ZSCAN5A: variants seen among roughly 807,000 people sequenced by gnomAD.
ZSCAN5A encodes zinc finger and SCAN domain-containing protein 5A.
Under a neutral mutation model 23.7 loss-of-function variants are expected in ZSCAN5A, and 12 were observed. The ratio of observed to expected loss-of-function variants is 0.51; its 90% CI spans 0.32 to 0.82. The LOEUF is 0.82. Among genes scored for constraint, ZSCAN5A ranks in the 40% least tolerant of loss-of-function variants. ZSCAN5A has a pLI of 0.03. For synonymous variants in ZSCAN5A, 257 were observed against 239.9 expected, an observed-to-expected ratio of 1.07 and a Z score of -0.66; for missense variants, 597 against 617.9, an observed-to-expected ratio of 0.97 and a Z score of 0.36.
intron 1 of ZSCAN5A, among the ~76,000 whole-genome samples, chr19:56,364,503 G>A (rs1048260905): frequency 6.6e-5 from 10 of 152,132 alleles, no homozygotes; most frequent in Non-Finnish European, 1.3e-4. Flanking sequence ...TCATACATTG[G>A]TAGTGAACAT....
chr19:56,361,622 G>T (rs2041733718), intron 2 of ZSCAN5A, among the ~76,000 whole-genome samples: 1 of 152,108 alleles, frequency 6.6e-6, no homozygotes, highest in Non-Finnish European at 1.5e-5. Flanking sequence ...ATCAAACACT[G>T]CATGTTCTCA....
intron 2 of ZSCAN5A, among the ~76,000 whole-genome samples, chr19:56,237,980 C>CACACACGGACACAT (rs1217482359): frequency 2.3e-5 from 2 of 87,948 alleles, no homozygotes; most frequent in Admixed American, 1.3e-4. Context: ...CACGGACACA[C>CACACACGGACACAT]ACACATACAC....
At chr19:56,276,386 G>A (rs778285766) in intron 2 of ZSCAN5A, among the ~76,000 whole-genome samples, 4 of 151,988 alleles carry the variant, frequency 2.6e-5, no homozygotes, top group Non-Finnish European at 4.4e-5. Context: ...GAGAGACTTC[G>A]GGCAGATCTC....
chr19:56,302,882 A>T (rs988898472), intron 2 of ZSCAN5A: 9 of 398,288 alleles, frequency 2.3e-5, no homozygotes, highest in Admixed American at 4.4e-5. Context: ...GTTGCTGGGG[A>T]CTCTGATGGT....
At chr19:56,302,874 T>C (rs2147283426) in intron 2 of ZSCAN5A, 1 of 398,714 alleles carries the variant, frequency 2.5e-6, no homozygotes, top group East Asian at 3.6e-5. Flanking sequence ...TGTTGCTGGT[T>C]GCTGGGGACT....
chr19:56,276,125 C>A (rs2038230706), intron 2 of ZSCAN5A, among the ~76,000 whole-genome samples: 1 of 152,184 alleles, frequency 6.6e-6, no homozygotes, highest in Non-Finnish European at 1.5e-5. Context: ...AACCGTGGAA[C>A]CCCCAAGTCT....
intron 2 of ZSCAN5A, chr19:56,321,965 T>G: frequency 1.3e-6 from 1 of 780,560 alleles, no homozygotes; most frequent in Non-Finnish European, 2.4e-6. Flanking sequence ...CACACCACCA[T>G]GGATCAAATT....
intron 2 of ZSCAN5A, among the ~76,000 whole-genome samples, chr19:56,241,684 T>G (rs1191123294): frequency 6.6e-6 from 1 of 152,182 alleles, no homozygotes; most frequent in South Asian, 2.1e-4. Context: ...CTCTCTTGAA[T>G]TCATCTCTCC....
intron 2 of ZSCAN5A, among the ~76,000 whole-genome samples, chr19:56,253,778 T>C (rs1485550426): frequency 2.0e-5 from 3 of 152,194 alleles, no homozygotes; most frequent in Admixed American, 6.5e-5. Context: ...AAAGTAGGGA[T>C]GCAGTGTCTC....
At chr19:56,344,005 CT>C (rs1277400155) in intron 2 of ZSCAN5A, among the ~76,000 whole-genome samples, 1 of 152,114 alleles carries the variant, frequency 6.6e-6, no homozygotes, top group Non-Finnish European at 1.5e-5. Context: ...ACCTAATTAT[CT>C]TATGTTAATC....
intron 2 of ZSCAN5A, among the ~76,000 whole-genome samples, chr19:56,235,059 T>TGGACGG (rs2034779144): frequency 5.3e-5 from 7 of 131,976 alleles, no homozygotes; most frequent in African/African-American, 1.4e-4. Context: ...CAGCCTCTGA[T>TGGACGG]TGACCGTGGG....
chr19:56,228,398 A>G (rs1224123215), intron 2 of ZSCAN5A: 1 of 985,282 alleles, frequency 1.0e-6, no homozygotes, highest in African/African-American at 1.7e-5. Flanking sequence ...GTTTAGGGCC[A>G]TAGAGTCCAT....
chr19:56,254,998 C>A (rs1259926032), intron 2 of ZSCAN5A, among the ~76,000 whole-genome samples: 1 of 151,988 alleles, frequency 6.6e-6, no homozygotes, highest in East Asian at 1.9e-4. Context: ...TGCTTTCACT[C>A]TGTTGATTGT....
intron 2 of ZSCAN5A, among the ~76,000 whole-genome samples, chr19:56,324,169 C>G (rs1048087487): frequency 2.6e-5 from 4 of 152,184 alleles, no homozygotes; most frequent in African/African-American, 9.7e-5. Flanking sequence ...AATCAACTCT[C>G]TAATTCCATG....
chr19:56,308,006 C>T (rs374347280), intron 2 of ZSCAN5A, among the ~76,000 whole-genome samples: 13 of 152,278 alleles, frequency 8.5e-5, no homozygotes, highest in African/African-American at 3.1e-4. Context: ...TTCTCTTGAT[C>T]CCCCCACCCA....
intron 2 of ZSCAN5A, among the ~76,000 whole-genome samples, chr19:56,258,690 T>A (rs913300490): frequency 2.0e-5 from 3 of 152,134 alleles, no homozygotes; most frequent in Admixed American, 6.5e-5. Flanking sequence ...ATCACAACAC[T>A]CTCCCATCTG....
At position 56,351,794 on chromosome 19, in the gene ZSCAN5A, T is replaced by C. The variant is rs1179443156; in HGVS notation, c.-358+11441A>G. On this transcript the variant is annotated intron_variant, in intron 2 of 6. Coordinates refer to the ZSCAN5A transcript ENST00000587340. The surrounding 1 kb of genome is among the most constrained non-coding windows in gnomAD (Gnocchi z 4.8). The stretch of plus-strand genomic sequence containing the variant: ...ACCTGTCGCAGAACAAGAAAAGTGG[T>C]GCCGCTAAGATTGCACAGGTGCAGC... Among the ~76,000 whole-genome samples the C allele has an allele frequency of 6.6e-6, 1 of 152,148 alleles. No individual in the cohort carries two copies. Among genetic ancestry groups the C allele is most frequent in the Non-Finnish European group, 1.5e-5 (1 of 68,026 alleles).
chr19:56,240,336 C>T (rs1167612013), intron 2 of ZSCAN5A, among the ~76,000 whole-genome samples: 1 of 152,060 alleles, frequency 6.6e-6, no homozygotes, highest in African/African-American at 2.4e-5. Context: ...TTCCTGTGGG[C>T]AGGGTTTCAT....
At chr19:56,308,660 A>G (rs1208999860) in intron 2 of ZSCAN5A, among the ~76,000 whole-genome samples, 1 of 145,110 alleles carries the variant, frequency 6.9e-6, no homozygotes, top group East Asian at 2.1e-4. Context: ...AAAACATCAC[A>G]TTTTTTTTCC....
Sources: allele counts gnomAD v4.1 joint callset (sites outside exome capture counted in the v4.1 genomes callset), GRCh38; gene constraint gnomAD v4.1.1; non-coding constraint Gnocchi (gnomAD v3.1); transcripts MANE v1.5; gene names NCBI Gene and HGNC (gene_info 2026-07-23, HGNC 2026-07-21).